SSR1: variants seen among roughly 807,000 people sequenced by gnomAD.
The protein encoded by SSR1 is signal sequence receptor subunit 1, also known as translocon-associated protein subunit alpha.
Under a neutral mutation model 36.1 loss-of-function variants are expected in SSR1, and 13 were observed. The ratio of observed to expected loss-of-function variants is 0.36; its 90% CI spans 0.23 to 0.57. The LOEUF (loss-of-function observed/expected upper bound fraction) is 0.57. Among genes scored for constraint, SSR1 ranks in the 20% least tolerant of loss-of-function variants. The probability of loss-of-function intolerance (pLI) is 0.81; values close to 1 mark genes in which losing one functional copy is unlikely to be tolerated. For missense variants in SSR1, 291 were observed against 338.5 expected, an observed-to-expected ratio of 0.86 and a Z score of 1.10; for synonymous variants, 113 against 118.9, an observed-to-expected ratio of 0.95 and a Z score of 0.32.
intron 7 of SSR1, among the ~76,000 whole-genome samples, chr6:7,290,956 C>T (rs150483571): frequency 0.022 from 2,847 of 129,912 alleles, 31 homozygotes; most frequent in Middle Eastern, 0.08. Context: ...TGCAGTGCCA[C>T]GATCTCCGCT....
chr6:7,301,611 G>A (rs751270122), intron 3 of SSR1, 39 bp from the exon 4 acceptor site: 6 of 1,565,852 alleles, frequency 3.8e-6, no homozygotes, highest in Non-Finnish European at 1.7e-6. Flanking sequence ...TAGAACACAT[G>A]GAAAGAGCAC....
At chr6:7,291,861 C>A (rs541641918) in intron 7 of SSR1, among the ~76,000 whole-genome samples, 3 of 151,686 alleles carry the variant, frequency 2.0e-5, no homozygotes, top group East Asian at 2.0e-4. Context: ...CACTTGAGCC[C>A]GTAAGTTCAA....
At chr6:7,299,246 C>T (rs1161132557) in intron 4 of SSR1, among the ~76,000 whole-genome samples, 8 of 152,156 alleles carry the variant, frequency 5.3e-5, no homozygotes, top group Admixed American at 2.0e-4. Context: ...TGAGATAAAA[C>T]GTGCAGAAAG....
intron 2 of SSR1, among the ~76,000 whole-genome samples, chr6:7,309,507 C>T (rs1333527732): frequency 6.6e-6 from 1 of 151,732 alleles, no homozygotes; most frequent in Non-Finnish European, 1.5e-5. Flanking sequence ...CTATTGATAA[C>T]GGTTTTGCTG....
intron 1 of SSR1, among the ~76,000 whole-genome samples, chr6:7,310,444 C>T (rs1383555047): frequency 6.6e-6 from 1 of 152,014 alleles, no homozygotes; most frequent in Non-Finnish European, 1.5e-5. Flanking sequence ...AAGTGCCCAA[C>T]AGATGGAAAA....
chr6:7,294,208 T>G (rs184539684), intron 7 of SSR1, among the ~76,000 whole-genome samples: 1 of 136,878 alleles, frequency 7.3e-6, no homozygotes, highest in Admixed American at 7.3e-5. Context: ...TAAAATAATA[T>G]TGTCTAGTTG....
At chr6:7,305,009 TTTAG>T (rs757091233) in intron 2 of SSR1, among the ~76,000 whole-genome samples, 13 of 152,210 alleles carry the variant, frequency 8.5e-5, no homozygotes, top group South Asian at 2.1e-4. Flanking sequence ...ATTTCATTCA[TTTAG>T]TAAGAGTAAG....
In SSR1 at chr6:7,281,720, G is replaced by C. The variant is rs1016033517; in HGVS notation, c.*8144C>G. On this transcript the variant is annotated 3_prime_UTR_variant, in exon 8 of 8. Transcript: ENST00000244763. Reference sequence around the variant, plus strand: ...TACTTGGGGCTATATGCGATTTCAGGTTGGATAAACGAGTCATGTTGAATG... The same window carrying C: ...TACTTGGGGCTATATGCGATTTCAGCTTGGATAAACGAGTCATGTTGAATG... 1 of 152,190 alleles carries C rather than the reference G, an allele frequency of 6.6e-6. No homozygotes were observed. Among genetic ancestry groups the C allele is most frequent in the African/African-American group, 2.4e-5 (1 of 41,442 alleles). 9.4% of individuals were successfully genotyped at this position (152,190 alleles called of 1,614,324 possible). A position where few individuals can be genotyped will look rare whatever the true frequency, so the allele number is the denominator to read the frequency against.
At chr6:7,306,778 T>C (rs532747227) in intron 2 of SSR1, among the ~76,000 whole-genome samples, 24 of 151,654 alleles carry the variant, frequency 1.6e-4, no homozygotes, top group Admixed American at 3.9e-4. Flanking sequence ...TAGCCGGGTG[T>C]GGTGGCGGGC....
At chr6:7,305,530 T>A (rs951234948) in intron 2 of SSR1, among the ~76,000 whole-genome samples, 1 of 152,152 alleles carries the variant, frequency 6.6e-6, no homozygotes, top group Non-Finnish European at 1.5e-5. Context: ...GTGCAGCAAA[T>A]GTGGATGAAC....
intron 7 of SSR1, among the ~76,000 whole-genome samples, chr6:7,291,883 G>A (rs541831668): frequency 6.6e-6 from 1 of 152,032 alleles, no homozygotes; most frequent in Non-Finnish European, 1.5e-5. Context: ...ACCAGCCTGG[G>A]CAACATGGTG....
In SSR1 at chr6:7,285,022, AT is replaced by A. The variant is rs2113261623; in HGVS notation, c.*4841del. On this transcript the variant is annotated 3_prime_UTR_variant, in exon 8 of 8. Coordinates refer to ENST00000244763, the MANE Select transcript of SSR1 (RefSeq NM_003144.5). The surrounding 1 kb of genome is among the most constrained non-coding windows in gnomAD (Gnocchi z 4.1). ...GTATCACCAGGAATACTTACGAACC[AT>A]ACTAACTCACATGGAAGAATGGCAA... The A allele has an allele frequency of 6.6e-6, 1 of 152,342 alleles. No individual in the cohort carries two copies. The highest frequency in any genetic ancestry group is 2.4e-5 in the African/African-American group (1 of 41,588). The allele number at this position is 152,342 out of a possible 1,614,324, so 9.4% of individuals were successfully genotyped here. A position where few individuals can be genotyped will look rare whatever the true frequency, so the allele number is the denominator to read the frequency against.
At chr6:7,299,836 C>A (rs1757894795) in intron 4 of SSR1, among the ~76,000 whole-genome samples, 1 of 152,130 alleles carries the variant, frequency 6.6e-6, no homozygotes, top group African/African-American at 2.4e-5. Flanking sequence ...ATTAGACTCA[C>A]TGGGGCAATA....
In SSR1 at chr6:7,281,653, A is replaced by C. The variant is rs1439655384; in HGVS notation, c.*8211T>G. The C allele has an allele frequency of 6.6e-6, 1 of 152,252 alleles. No homozygotes were observed. The highest frequency in any genetic ancestry group is 1.9e-4 in the East Asian group (1 of 5,206). 9.4% of individuals were successfully genotyped at this position (152,252 alleles called of 1,614,324 possible). On this transcript the variant is annotated 3_prime_UTR_variant, in exon 8 of 8. Coordinates refer to ENST00000244763, the MANE Select transcript of SSR1 (RefSeq NM_003144.5). ...TCTCTTTTTATTCATAGCAGAGCCA[A>C]AACTGGAAGTCACTTATTAAATACC...
At chr6:7,307,142 T>C (rs1018818066) in intron 2 of SSR1, among the ~76,000 whole-genome samples, 1 of 152,096 alleles carries the variant, frequency 6.6e-6, no homozygotes, top group East Asian at 1.9e-4. Context: ...TATAGGGTGA[T>C]AAATCTTGGG....
Position 7,311,970 on chromosome 6 carries a change from A to C in SSR1, c.79+1072T>G, listed in dbSNP as rs184847007. Reference sequence around the variant, plus strand: ...AAAATCTTGTTAAACCTGCAGATTAACTCATTAACAGTTGTTTAATTCTCC... The same window carrying C: ...AAAATCTTGTTAAACCTGCAGATTACCTCATTAACAGTTGTTTAATTCTCC... On this transcript the variant is annotated intron_variant, in intron 1 of 7. Coordinates refer to ENST00000244763, the MANE Select transcript of SSR1 (RefSeq NM_003144.5). Among the ~76,000 whole-genome samples, 52 of 152,286 alleles carry C rather than the reference A, an allele frequency of 3.4e-4. 1 individual carries two copies. The highest frequency in any genetic ancestry group is 7.3e-5 in the Non-Finnish European group (5 of 68,028).
At chr6:7,298,965 T>C in intron 4 of SSR1, 142 bp from the exon 5 acceptor site, 1 of 636,810 alleles carries the variant, frequency 1.6e-6, no homozygotes, top group Non-Finnish European at 2.7e-6. Context: ...CATATGTAAC[T>C]GCAATATTCT....
At chr6:7,306,294 C>G (rs1758051363) in intron 2 of SSR1, among the ~76,000 whole-genome samples, 1 of 152,076 alleles carries the variant, frequency 6.6e-6, no homozygotes, top group Non-Finnish European at 1.5e-5. Context: ...AGGTGCCCAC[C>G]ACCACACCCG....
intron 1 of SSR1, among the ~76,000 whole-genome samples, chr6:7,312,708 C>T (rs913126301): frequency 6.6e-6 from 1 of 152,242 alleles, no homozygotes; most frequent in African/African-American, 2.4e-5. Context: ...GTGTCCAGCG[C>T]CTCCTCCTGC....
Sources: gnomAD v4.1 joint callset for allele counts (sites outside exome capture counted in the v4.1 genomes callset) on GRCh38, gnomAD v4.1.1 for gene constraint, Gnocchi (gnomAD v3.1) non-coding constraint, MANE v1.5 for transcripts, NCBI Gene and HGNC (gene_info 2026-07-23, HGNC 2026-07-21) for gene names.